Variants in PPIG observed in about 807,000 individuals in gnomAD.
PPIG encodes peptidyl-prolyl cis-trans isomerase G.
PPIG carries 26 observed loss-of-function variants against 87.9 expected under a neutral mutation model. That is an observed-to-expected ratio of 0.30 (90% CI 0.22 to 0.41). The LOEUF (loss-of-function observed/expected upper bound fraction) is 0.41, where lower values mean the gene tolerates loss of function less well. Among genes scored for constraint, PPIG ranks in the 10% least tolerant of loss-of-function variants. PPIG has a pLI of 1.00. For missense variants in PPIG, 722 were observed against 879.4 expected (o/e 0.82, Z 2.26); for synonymous variants, 308 against 276.5 (o/e 1.11, Z -1.13).
chr2:169,608,791 C>A, intron 7 of PPIG, 33 bp downstream of exon 7: 10 of 1,517,420 alleles, frequency 6.6e-6, no homozygotes, highest in Non-Finnish European at 9.1e-6. Context: ...TTTAAAACAT[C>A]CCATTTTTGG....
At chr2:169,606,260 C>A in intron 5 of PPIG, 114 bp downstream of exon 5, 1 of 799,544 alleles carries the variant, frequency 1.3e-6, no homozygotes, top group Non-Finnish European at 2.1e-6. Flanking sequence ...TCCATTTAAT[C>A]TTTGGTCAAT....
At chr2:169,600,659 GAAAAAC>G (rs896083606) in intron 1 of PPIG, among the ~76,000 whole-genome samples, 1 of 151,072 alleles carries the variant, frequency 6.6e-6, no homozygotes, top group African/African-American at 2.4e-5. Context: ...AAATGTCATT[GAAAAAC>G]AAAAACAAAA....
rs1156399800 is a variant in PPIG at position 169,637,425 on chromosome 2, C to A, written c.2167C>A (p.Gln723Lys). The A allele has an allele frequency of 1.1e-5, 18 of 1,611,278 alleles. No homozygotes were observed. Among genetic ancestry groups the A allele is most frequent in the Non-Finnish European group, 5.9e-6 (7 of 1,179,172 alleles). ...KIRSSVEKEN[Q>K]KSKGQENDHV... Reference sequence around the variant, plus strand: ...CAGATCCTCAGTGGAAAAAGAAAACCAAAAATCAAAAGGTCAAGAAAATGA... The same window carrying A: ...CAGATCCTCAGTGGAAAAAGAAAACAAAAAATCAAAAGGTCAAGAAAATGA... Residue 723 changes from glutamine (Q) to lysine (K), a missense_variant, in exon 14 of 14, where the codon CAA becomes AAA. Transcript: ENST00000260970.
chr2:169,603,429 A>C (rs1440591887), intron 1 of PPIG, among the ~76,000 whole-genome samples: 1 of 152,156 alleles, frequency 6.6e-6, no homozygotes, highest in Non-Finnish European at 1.5e-5. Flanking sequence ...AGAATCAGCA[A>C]GTACCCTCAT....
chr2:169,641,292 TTAGTC>T lies in PPIG; in HGVS notation c.*3774_*3778del, dbSNP rs1357394002. 1.3e-5 allele frequency: 2 copies of T among 152,206 alleles called. No homozygotes were observed. Among genetic ancestry groups the T allele is most frequent in the East Asian group, 3.8e-4 (2 of 5,204 alleles). 9.4% of individuals were successfully genotyped at this position (152,206 alleles called of 1,614,324 possible). A position where few individuals can be genotyped will look rare whatever the true frequency, so the allele number is the denominator to read the frequency against. On this transcript the variant is annotated 3_prime_UTR_variant, in exon 14 of 14. Transcript: ENST00000260970. ...TTTCAAAATGCTGCTTCTCTTATCA[TTAGTC>T]TAGTAATTGTTGAACTTTTCTGCAA...
Position 169,631,713 on chromosome 2 carries a change from G to A in PPIG, c.762-53G>A, listed in dbSNP as rs1686057367. On this transcript the variant is annotated intron_variant, in intron 10 of 13. Coordinates refer to ENST00000260970, the MANE Select transcript of PPIG (RefSeq NM_004792.3). Reference sequence around the variant, plus strand: ...GAAATACCAACAATTGGATACTTCCGTAAGGACATAATAACCAACTGTAAC... The same window carrying A: ...GAAATACCAACAATTGGATACTTCCATAAGGACATAATAACCAACTGTAAC... 3.4e-5 allele frequency: 55 copies of A among 1,610,710 alleles called. No homozygotes were observed. The South Asian group carries it at 3.4e-4, about 10-fold the overall frequency.
At chr2:169,616,079 T>C (rs1417670667) in intron 9 of PPIG, among the ~76,000 whole-genome samples, 1 of 152,156 alleles carries the variant, frequency 6.6e-6, no homozygotes, top group Non-Finnish European at 1.5e-5. Flanking sequence ...ACTTCCACTT[T>C]TGAGTGAGAA....
In PPIG at chr2:169,638,142, G is replaced by T. The variant is rs1487081065; in HGVS notation, c.*619G>T. 6.6e-6 allele frequency: 1 copy of T among 151,860 alleles called. No individual in the cohort carries two copies. Among genetic ancestry groups the T allele is most frequent in the African/African-American group, 2.4e-5 (1 of 41,360 alleles). The allele number at this position is 151,860 out of a possible 1,614,324, so 9.4% of individuals were successfully genotyped here. A position where few individuals can be genotyped will look rare whatever the true frequency, so the allele number is the denominator to read the frequency against. The stretch of plus-strand genomic sequence containing the variant: ...CTATTAATGCTTTTCCTGTCTAGTT[G>T]TGTTTTACTTAACTGCCTATAAAAA... On this transcript the variant is annotated 3_prime_UTR_variant, in exon 14 of 14. Transcript: ENST00000260970.
At chr2:169,616,291 AGTGCTG>A (rs1451362510) in intron 9 of PPIG, among the ~76,000 whole-genome samples, 1 of 152,172 alleles carries the variant, frequency 6.6e-6, no homozygotes, top group Non-Finnish European at 1.5e-5. Flanking sequence ...TATTTTGAAT[AGTGCTG>A]CAGTAAACAT....
intron 1 of PPIG, among the ~76,000 whole-genome samples, chr2:169,597,230 T>G: frequency 6.6e-6 from 1 of 152,162 alleles, no homozygotes; most frequent in East Asian, 1.9e-4. Context: ...GTGAAAAATC[T>G]TAGCCCTCTT....
chr2:169,587,696 T>G (rs1451021345), intron 1 of PPIG, among the ~76,000 whole-genome samples: 4 of 152,182 alleles, frequency 2.6e-5, no homozygotes, highest in Admixed American at 2.6e-4. Flanking sequence ...ACAGACAGTA[T>G]TCAGAGAAAA....
Position 169,636,888 on chromosome 2 carries a change from T to C in PPIG, c.1630T>C (p.Ser544Pro), listed in dbSNP as rs1686193471. 9 of 1,613,654 alleles carry C rather than the reference T, an allele frequency of 5.6e-6. No individual in the cohort carries two copies. Among genetic ancestry groups the C allele is most frequent in the Non-Finnish European group, 7.6e-6 (9 of 1,179,944 alleles). Residue 544 changes from serine to proline, a missense_variant, in exon 14 of 14, where the codon TCC becomes CCC. Around this residue, in one of 4 missense-constraint regions of PPIG, gnomAD observed 476 missense variants for 483.1 expected, o/e 0.99. Coordinates refer to ENST00000260970, the MANE Select transcript of PPIG (RefSeq NM_004792.3). The part of the protein sequence containing the change: ...KSKEKDRRAQ[S>P]RSRECDITKG... ...TAAGGAAAAGGATAGACGCGCACAA[T>C]CCAGGAGTAGAGAATGTGATATAAC...
chr2:169,584,419 T>C lies in PPIG; in HGVS notation c.-141T>C, dbSNP rs910115286. 1 of 470,976 alleles carries C rather than the reference T, an allele frequency of 2.1e-6. No individual in the cohort carries two copies. Among genetic ancestry groups the C allele is most frequent in the Non-Finnish European group, 4.4e-6 (1 of 227,038 alleles). The allele number at this position is 470,976 out of a possible 1,614,324, so 29.2% of individuals were successfully genotyped here. A position where few individuals can be genotyped will look rare whatever the true frequency, so the allele number is the denominator to read the frequency against. Reference sequence around the variant, plus strand: ...AGGCGGTTAGCGGGCTTTAGCGCCTTTTCTGGCGGCGGTAGATTTGAAGCG... The same window carrying C: ...AGGCGGTTAGCGGGCTTTAGCGCCTCTTCTGGCGGCGGTAGATTTGAAGCG... On this transcript the variant is annotated 5_prime_UTR_variant, in exon 1 of 14. Coordinates refer to ENST00000260970, the MANE Select transcript of PPIG (RefSeq NM_004792.3).
At chr2:169,586,520 A>G (rs1292373053) in intron 1 of PPIG, among the ~76,000 whole-genome samples, 1 of 152,162 alleles carries the variant, frequency 6.6e-6, no homozygotes, top group Non-Finnish European at 1.5e-5. Context: ...AAGAGTGTTC[A>G]TTACATTTAT....
chr2:169,640,976 T>G lies in PPIG; in HGVS notation c.*3453T>G, dbSNP rs1332288914. 2.0e-5 allele frequency: 3 copies of G among 151,818 alleles called. No homozygotes were observed. The highest frequency in any genetic ancestry group is 2.9e-5 in the Non-Finnish European group (2 of 67,944). 9.4% of individuals were successfully genotyped at this position (151,818 alleles called of 1,614,324 possible). On this transcript the variant is annotated 3_prime_UTR_variant, in exon 14 of 14. Coordinates refer to ENST00000260970, the MANE Select transcript of PPIG (RefSeq NM_004792.3). ...TTGTTTTAAAAGGTATGTGAGGGAG[T>G]GGTGGGGTGGATTTGTGTTTCTGAC...
chr2:169,606,359 C>T (rs750250879), intron 5 of PPIG, among the ~76,000 whole-genome samples: 1 of 151,690 alleles, frequency 6.6e-6, no homozygotes, highest in Non-Finnish European at 1.5e-5. Context: ...TTTGGGAGGC[C>T]GAGGTGGGCG....
At chr2:169,602,319 C>T (rs1256595655) in intron 1 of PPIG, among the ~76,000 whole-genome samples, 1 of 151,796 alleles carries the variant, frequency 6.6e-6, no homozygotes, top group Non-Finnish European at 1.5e-5. Flanking sequence ...TAAAATTAGC[C>T]TGGTTTTTGT....
chr2:169,627,725 T>TTTTTTTTTTTTTTA (rs1491338209), intron 9 of PPIG, among the ~76,000 whole-genome samples: 2 of 142,942 alleles, frequency 1.4e-5, no homozygotes, highest in African/African-American at 5.4e-5. Flanking sequence ...TTTTTTTTTT[T>TTTTTTTTTTTTTTA]AATTTCAAAC....
chr2:169,635,652 C>T (rs368544359), intron 12 of PPIG, among the ~76,000 whole-genome samples: 1 of 152,098 alleles, frequency 6.6e-6, no homozygotes, highest in Non-Finnish European at 1.5e-5. Flanking sequence ...TCTGTTTTCC[C>T]CATAATATGA....
Sources: allele counts gnomAD v4.1 joint callset (sites outside exome capture counted in the v4.1 genomes callset), GRCh38; gene constraint gnomAD v4.1.1; regional missense constraint gnomAD v4.1.1; transcripts MANE v1.5; gene names NCBI Gene and HGNC (gene_info 2026-07-23, HGNC 2026-07-21).